The following POLA1 variants were observed in gnomAD, a reference collection of about 807,000 sequenced individuals.
POLA1 encodes DNA polymerase alpha catalytic subunit.
In POLA1, 15 loss-of-function variants were observed where a neutral mutation model predicts 124.0. That is an observed-to-expected ratio of 0.12 (90% confidence interval 0.08 to 0.19). The LOEUF is 0.19. POLA1 is among the 10% of genes least tolerant of loss of function. POLA1 has a pLI of 1.00. For missense variants in POLA1, 886 were observed against 1,103.4 expected, an observed-to-expected ratio of 0.80 and a Z score of 2.79; for synonymous variants, 408 against 389.4, an observed-to-expected ratio of 1.05 and a Z score of -0.56.
chrX:24,812,149 G>T (rs1168168647), intron 28 of POLA1, among the ~76,000 whole-genome samples: 6 of 112,499 alleles, frequency 5.3e-5, no homozygotes, highest in Non-Finnish European at 5.6e-5. Flanking sequence ...GTCAGAAAGA[G>T]CAGAGGACTC....
intron 1 of POLA1, among the ~76,000 whole-genome samples, chrX:24,699,031 T>C (rs1255342005): frequency 1.8e-5 from 2 of 112,020 alleles, no homozygotes; most frequent in African/African-American, 6.5e-5. Context: ...GATTGACAGA[T>C]TGCAAAATGA....
chrX:24,835,573 T>G (rs1407257917), intron 32 of POLA1, among the ~76,000 whole-genome samples: 1 of 110,032 alleles, frequency 9.1e-6, no homozygotes. Flanking sequence ...TTTTTTTTCC[T>G]TTGTTGATCC....
At chrX:24,926,249 A>G (rs756674594) in intron 35 of POLA1, among the ~76,000 whole-genome samples, 5 of 110,498 alleles carry the variant, frequency 4.5e-5, no homozygotes, top group African/African-American at 9.9e-5. Context: ...ATAGAAAAGA[A>G]CACAAACTGT....
At chrX:24,765,826 T>C (rs1932892650) in intron 26 of POLA1, among the ~76,000 whole-genome samples, 1 of 112,262 alleles carries the variant, frequency 8.9e-6, no homozygotes. Flanking sequence ...TGGTAATGTG[T>C]GCCCTTCCCC....
chrX:24,698,502 C>T (rs1928179835), intron 1 of POLA1, among the ~76,000 whole-genome samples: 2 of 111,234 alleles, frequency 1.8e-5, no homozygotes, highest in Admixed American at 9.6e-5. Flanking sequence ...TTTGAATTTC[C>T]GGGTGCTTTG....
chrX:24,721,809 T>C (rs975413789), intron 10 of POLA1, among the ~76,000 whole-genome samples: 1 of 112,454 alleles, frequency 8.9e-6, no homozygotes, highest in Middle Eastern at 4.6e-3. Context: ...AGTTTGACAG[T>C]AAAATGAGCT....
At chrX:24,923,150 G>T (rs906558645) in intron 35 of POLA1, among the ~76,000 whole-genome samples, 3 of 111,469 alleles carry the variant, frequency 2.7e-5, no homozygotes, top group Non-Finnish European at 5.6e-5. Context: ...TGTGCAGAAT[G>T]ACTTGATAGA....
At chrX:24,907,123 G>A (rs1425197563) in intron 35 of POLA1, among the ~76,000 whole-genome samples, 1 of 111,099 alleles carries the variant, frequency 9.0e-6, no homozygotes, top group East Asian at 2.8e-4. Context: ...CCCAGGAGTC[G>A]GCGGTTGCAG....
chrX:24,815,100 G>A lies in POLA1; in HGVS notation c.3418G>A (p.Glu1140Lys). 8.3e-7 allele frequency: 1 copy of A among 1,204,433 alleles called. No homozygotes were observed. Among genetic ancestry groups the A allele is most frequent in the Non-Finnish European group, 1.1e-6 (1 of 891,432 alleles). ...TGGCAGTGTCCCAGTGAGCCAGTTTGAAATTAACAAGGTAAATGTAGCATT... is the reference window on the plus strand; with the variant it reads ...TGGCAGTGTCCCAGTGAGCCAGTTTAAAATTAACAAGGTAAATGTAGCATT... Reference protein sequence around the residue: ...LNGSVPVSQFEINKALTKDPQ... With the variant: ...LNGSVPVSQFKINKALTKDPQ... The change falls in exon 30 of 37, where the codon GAA becomes AAA. Residue 1140 changes from glutamate (E) to lysine (K), a missense_variant. Physicochemically the swap from Glu to Lys is moderately conservative, Grantham distance 56. Coordinates refer to ENST00000379068, the MANE Select transcript of POLA1 (RefSeq NM_001330360.2).
intron 36 of POLA1, among the ~76,000 whole-genome samples, chrX:24,960,072 A>G (rs1037539277): frequency 1.9e-4 from 21 of 110,776 alleles, no homozygotes; most frequent in African/African-American, 6.6e-4. Context: ...AGTTTCAAAA[A>G]CTTTTGAAAC....
chrX:24,942,587 C>T (rs904300804), intron 36 of POLA1, among the ~76,000 whole-genome samples: 1 of 112,293 alleles, frequency 8.9e-6, no homozygotes, highest in Non-Finnish European at 1.9e-5. Context: ...AAAGGGAGAA[C>T]TTCCTTTGAC....
rs370943679 is a variant in POLA1, at chrX:24,882,433, G to A, written c.4048-5573G>A. Among the ~76,000 whole-genome samples, 5 of 111,005 alleles carry A rather than the reference G, an allele frequency of 4.5e-5. No homozygotes were observed. The East Asian group carries it at 8.5e-4, about 19-fold the overall frequency. On this transcript the variant is annotated intron_variant, in intron 34 of 36. Transcript: ENST00000379068. ...TACAAATAATCCTGTCACCCAGGTA[G>A]TGAGCATAGTACCCAAGAGGTAGTT...
At chrX:24,788,270 G>T in intron 26 of POLA1, 1 of 760,885 alleles carries the variant, frequency 1.3e-6, no homozygotes, top group African/African-American at 2.1e-5. Flanking sequence ...ACACAACAGT[G>T]AAAAGCAGAA....
intron 36 of POLA1, among the ~76,000 whole-genome samples, chrX:24,951,148 T>TA (rs1437008852): frequency 2.7e-5 from 3 of 109,567 alleles, no homozygotes; most frequent in Non-Finnish European, 5.7e-5. Context: ...ATTAAACCCT[T>TA]CATCTTCACC....
intron 31 of POLA1, among the ~76,000 whole-genome samples, chrX:24,826,035 A>T (rs1307923171): frequency 8.9e-6 from 1 of 112,024 alleles, no homozygotes; most frequent in Admixed American, 9.4e-5. Context: ...GACCATACAC[A>T]TGTTTTTAAA....
chrX:24,838,445 A>G (rs1601789751), intron 32 of POLA1, among the ~76,000 whole-genome samples: 1 of 112,148 alleles, frequency 8.9e-6, no homozygotes, highest in South Asian at 3.7e-4. Flanking sequence ...AAGCCCAGGC[A>G]GGCTGCTTCT....
At chrX:24,873,595 AAGC>A (rs1233562687) in intron 34 of POLA1, among the ~76,000 whole-genome samples, 1 of 111,753 alleles carries the variant, frequency 8.9e-6, no homozygotes, top group East Asian at 2.8e-4. Context: ...TCAGTGAAAA[AAGC>A]AGGATTTAGA....
At chrX:24,841,135 G>A (rs2046403237) in intron 32 of POLA1, among the ~76,000 whole-genome samples, 1 of 111,971 alleles carries the variant, frequency 8.9e-6, no homozygotes, top group Non-Finnish European at 1.9e-5. Flanking sequence ...TGTCTCAGAT[G>A]CTGCTACTGA....
intron 26 of POLA1, chrX:24,788,365 T>G: frequency 8.7e-7 from 1 of 1,147,968 alleles, no homozygotes; most frequent in Non-Finnish European, 1.1e-6. Context: ...CAAGCTTTTA[T>G]TTAAATGCCA....
Sources: gnomAD v4.1 joint callset for allele counts (sites outside exome capture counted in the v4.1 genomes callset) on GRCh38, gnomAD v4.1.1 for gene constraint, MANE v1.5 for transcripts, NCBI Gene and HGNC (gene_info 2026-07-23, HGNC 2026-07-21) for gene names.